DCDC2C: variants seen among roughly 807,000 people sequenced by gnomAD.
DCDC2C encodes the protein doublecortin domain-containing protein 2C.
A neutral mutation model predicts 45.0 loss-of-function variants in DCDC2C; 44 were observed. That is an observed-to-expected ratio of 0.98 (90% CI 0.77 to 1.26). The LOEUF is 1.26. DCDC2C is among the 50% of genes most tolerant of loss of function. The pLI is 0.00. For missense variants in DCDC2C, 447 were observed against 468.9 expected (o/e 0.95, Z 0.43); for synonymous variants, 187 against 178.8 (o/e 1.05, Z -0.37).
At chr2:3,803,249 A>T (rs1397353162) in intron 10 of DCDC2C, among the ~76,000 whole-genome samples, 3 of 152,084 alleles carry the variant, frequency 2.0e-5, no homozygotes, top group Non-Finnish European at 2.9e-5. Flanking sequence ...CTATCCTTGT[A>T]ACCTCTGGGT....
At chr2:3,774,258 G>A (rs1418971440) in intron 8 of DCDC2C, among the ~76,000 whole-genome samples, 3 of 152,220 alleles carry the variant, frequency 2.0e-5, no homozygotes, top group Non-Finnish European at 4.4e-5. Flanking sequence ...TAAATTAAAA[G>A]TATAATTAGC....
intron 8 of DCDC2C, among the ~76,000 whole-genome samples, chr2:3,774,917 C>T (rs1427335667): frequency 6.6e-6 from 1 of 152,102 alleles, no homozygotes; most frequent in Non-Finnish European, 1.5e-5. Flanking sequence ...AGGCATGCAC[C>T]ACCATGCCTG....
chr2:3,720,228 A>G (rs1232486140), intron 2 of DCDC2C, among the ~76,000 whole-genome samples: 3 of 152,244 alleles, frequency 2.0e-5, no homozygotes, highest in African/African-American at 4.8e-5. Flanking sequence ...GTTGCCAGCC[A>G]TGGTAAGGGT....
intron 10 of DCDC2C, among the ~76,000 whole-genome samples, chr2:3,820,791 G>T (rs28889635): frequency 0.053 from 8,120 of 152,146 alleles, 735 homozygotes; most frequent in African/African-American, 0.19. Context: ...GGAGAAGAGA[G>T]TGAAAAGACT....
intron 1 of DCDC2C, among the ~76,000 whole-genome samples, chr2:3,707,670 G>T (rs1668101611): frequency 6.6e-6 from 1 of 152,214 alleles, no homozygotes; most frequent in Admixed American, 6.5e-5. Context: ...GGACCTGTGA[G>T]GCCCTGTCCG....
intron 8 of DCDC2C, among the ~76,000 whole-genome samples, chr2:3,776,069 C>T (rs568853686): frequency 2.6e-5 from 4 of 152,282 alleles, no homozygotes; most frequent in South Asian, 2.1e-4. Context: ...AGGAGAGGTC[C>T]GTCCTCTCCT....
intron 4 of DCDC2C, among the ~76,000 whole-genome samples, chr2:3,747,147 C>G (rs762036685): frequency 6.6e-6 from 1 of 152,176 alleles, no homozygotes; most frequent in African/African-American, 2.4e-5. Context: ...CACACATGCA[C>G]GCAGCACACA....
intron 10 of DCDC2C, among the ~76,000 whole-genome samples, chr2:3,789,671 G>A (rs1670753694): frequency 6.6e-6 from 1 of 152,154 alleles, no homozygotes; most frequent in African/African-American, 2.4e-5. Context: ...CTCCCTTTAT[G>A]TGTGGAGCAC....
intron 8 of DCDC2C, among the ~76,000 whole-genome samples, chr2:3,775,029 T>C (rs952432477): frequency 1.3e-5 from 2 of 152,024 alleles, no homozygotes; most frequent in African/African-American, 4.8e-5. Flanking sequence ...CCTCCCAAAG[T>C]GCTGGGATTA....
At chr2:3,709,705 C>T (rs113232236) in intron 2 of DCDC2C, among the ~76,000 whole-genome samples, 7 of 152,298 alleles carry the variant, frequency 4.6e-5, no homozygotes, top group Admixed American at 1.3e-4. Context: ...TCCCCTCTAC[C>T]TGTGGGGCTG....
chr2:3,784,828 T>C (rs1323231982), intron 9 of DCDC2C, among the ~76,000 whole-genome samples: 1 of 152,096 alleles, frequency 6.6e-6, no homozygotes, highest in Admixed American at 6.6e-5. Context: ...AAGATGTACA[T>C]AAAAACAAAG....
chr2:3,788,984 C>T (rs1670734469), intron 10 of DCDC2C, among the ~76,000 whole-genome samples: 1 of 151,972 alleles, frequency 6.6e-6, no homozygotes, highest in African/African-American at 2.4e-5. Context: ...GGATTACAGG[C>T]ATGGCACGTG....
chr2:3,768,259 T>G (rs1670067341), intron 7 of DCDC2C, among the ~76,000 whole-genome samples: 1 of 151,654 alleles, frequency 6.6e-6, no homozygotes, highest in African/African-American at 2.4e-5. Context: ...ATTTTTTGAG[T>G]ATAAGAAACA....
At chr2:3,731,836 C>T (rs1431040698) in intron 3 of DCDC2C, among the ~76,000 whole-genome samples, 1 of 152,132 alleles carries the variant, frequency 6.6e-6, no homozygotes, top group Non-Finnish European at 1.5e-5. Flanking sequence ...TGTCATAGTC[C>T]CAGTCTTGGG....
chr2:3,729,183 G>A (rs1668787141), intron 3 of DCDC2C, among the ~76,000 whole-genome samples: 1 of 152,082 alleles, frequency 6.6e-6, no homozygotes, highest in Non-Finnish European at 1.5e-5. Flanking sequence ...AGTTGTCTGG[G>A]CCCTGGAGTG....
intron 10 of DCDC2C, among the ~76,000 whole-genome samples, chr2:3,786,230 T>A (rs1213046388): frequency 2.7e-5 from 4 of 146,760 alleles, no homozygotes; most frequent in Admixed American, 2.7e-4. Context: ...GCCTCTCGTG[T>A]GGGTGTGTCC....
chr2:3,829,677 A>G (rs1671907440), intron 10 of DCDC2C, among the ~76,000 whole-genome samples: 1 of 152,122 alleles, frequency 6.6e-6, no homozygotes, highest in African/African-American at 2.4e-5. Context: ...GGGTAAAGCT[A>G]CAGAGATTTA....
intron 8 of DCDC2C, among the ~76,000 whole-genome samples, chr2:3,776,225 G>A (rs895782401): frequency 4.6e-5 from 7 of 152,156 alleles, no homozygotes; most frequent in Admixed American, 3.9e-4. Flanking sequence ...GCTGGCATAT[G>A]AGCACGCTGA....
rs1669579247 is a variant in DCDC2C, at chr2:3,752,751, C to T, written c.546-12C>T. 1 of 1,550,310 alleles carries T rather than the reference C, an allele frequency of 6.5e-7. No individual in the cohort carries two copies. Among genetic ancestry groups the T allele is most frequent in the Admixed American group, 2.0e-5 (1 of 50,994 alleles). On this transcript the variant is annotated splice_polypyrimidine_tract_variant and intron_variant, in intron 4 of 10. Transcript: ENST00000399143. ...CAAGTCTCTATCTCATTTCTTCTTT[C>T]TGTTTTTACAGATTATTTACAATGA...
Sources: allele counts gnomAD v4.1 joint callset (sites outside exome capture counted in the v4.1 genomes callset), GRCh38; gene constraint gnomAD v4.1.1; transcripts MANE v1.5; gene names NCBI Gene and HGNC (gene_info 2026-07-23, HGNC 2026-07-21).